Variants in ZNF365 observed in about 807,000 individuals in gnomAD.
ZNF365 encodes protein ZNF365.
A neutral mutation model predicts 35.0 loss-of-function variants in ZNF365; 22 were observed. The observed-to-expected ratio is 0.63, with a 90% confidence interval of 0.45 to 0.90. The LOEUF (loss-of-function observed/expected upper bound fraction) is 0.90. Among genes scored for constraint, ZNF365 ranks in the 40% least tolerant of loss-of-function variants. The pLI is 0.00. For missense variants in ZNF365, 448 were observed against 500.3 expected, an observed-to-expected ratio of 0.90 and a Z score of 1.00; for synonymous variants, 188 against 196.2, an observed-to-expected ratio of 0.96 and a Z score of 0.35.
intron 3 of ZNF365, among the ~76,000 whole-genome samples, chr10:62,435,417 C>A (rs929350618): frequency 6.6e-6 from 1 of 152,048 alleles, no homozygotes; most frequent in Non-Finnish European, 1.5e-5. Context: ...TATCTGAGTC[C>A]TTTTGTATTC....
chr10:62,454,671 T>C (rs764419914), intron 3 of ZNF365, among the ~76,000 whole-genome samples: 2 of 151,982 alleles, frequency 1.3e-5, no homozygotes, highest in Non-Finnish European at 2.9e-5. Flanking sequence ...GACTTTCTAA[T>C]TTTCTGCAGT....
chr10:62,480,114 C>A, exon 5 of ZNF365: 3 of 1,332,540 alleles, frequency 2.3e-6, no homozygotes, highest in Non-Finnish European at 2.9e-6. Flanking sequence ...AACAAGACTG[C>A]AGACTTCCTG....
chr10:62,432,144 G>T (rs1018282099), intron 3 of ZNF365, among the ~76,000 whole-genome samples: 2 of 152,148 alleles, frequency 1.3e-5, no homozygotes, highest in Non-Finnish European at 2.9e-5. Context: ...TTCATGAGTG[G>T]ATGCAGGTTA....
At chr10:62,394,150 T>C (rs1034243065) in intron 3 of ZNF365, among the ~76,000 whole-genome samples, 4 of 152,192 alleles carry the variant, frequency 2.6e-5, no homozygotes, top group Admixed American at 2.6e-4. Context: ...AATACTTGCA[T>C]TCAGCTTACT....
chr10:62,390,797 G>A (rs1589431551), intron 3 of ZNF365, among the ~76,000 whole-genome samples: 1 of 152,200 alleles, frequency 6.6e-6, no homozygotes, highest in East Asian at 1.9e-4. Flanking sequence ...GCATGTTACT[G>A]TACTGACTAC....
chr10:62,428,799 C>G (rs1374223949), intron 3 of ZNF365, among the ~76,000 whole-genome samples: 1 of 152,142 alleles, frequency 6.6e-6, no homozygotes, highest in Admixed American at 6.5e-5. Context: ...AGACTCCTTC[C>G]CTAGATATGT....
intron 4 of ZNF365, among the ~76,000 whole-genome samples, chr10:62,461,553 A>G (rs186066067): frequency 9.8e-4 from 149 of 152,312 alleles, no homozygotes; most frequent in Middle Eastern, 6.8e-3. Flanking sequence ...TTTGGCACAC[A>G]GTGTATCCAT....
chr10:62,388,655 C>A, intron 3 of ZNF365, 79 bp downstream of exon 3: 1 of 1,525,730 alleles, frequency 6.6e-7, no homozygotes, highest in Non-Finnish European at 8.9e-7. Context: ...GAAAAGGGAG[C>A]TGGGTGACTT....
chr10:62,423,556 A>C (rs1840206618), intron 3 of ZNF365, among the ~76,000 whole-genome samples: 1 of 152,160 alleles, frequency 6.6e-6, no homozygotes, highest in Non-Finnish European at 1.5e-5. Context: ...TTTTACACTA[A>C]CTCTAGGATG....
chr10:62,441,176 T>A (rs527366483), intron 3 of ZNF365, among the ~76,000 whole-genome samples: 2 of 152,062 alleles, frequency 1.3e-5, no homozygotes, highest in African/African-American at 4.8e-5. Flanking sequence ...ACCAGTGAGG[T>A]TAAATTGCTT....
At chr10:62,390,015 A>G in intron 3 of ZNF365, among the ~76,000 whole-genome samples, 1 of 152,040 alleles carries the variant, frequency 6.6e-6, no homozygotes, top group Non-Finnish European at 1.5e-5. Context: ...TGGAGGGACT[A>G]TCTGAGCCTC....
At chr10:62,442,091 A>T (rs968518666) in intron 3 of ZNF365, among the ~76,000 whole-genome samples, 9 of 152,206 alleles carry the variant, frequency 5.9e-5, no homozygotes, top group African/African-American at 2.2e-4. Context: ...CTATAAGCAC[A>T]CAGAACCAAA....
At chr10:62,455,320 A>G (rs1278179006) in intron 3 of ZNF365, among the ~76,000 whole-genome samples, 3 of 152,202 alleles carry the variant, frequency 2.0e-5, no homozygotes, top group Non-Finnish European at 4.4e-5. Flanking sequence ...ACAACAGATT[A>G]TGTAATGGGC....
At chr10:62,466,456 G>C (rs1840944910) in intron 4 of ZNF365, among the ~76,000 whole-genome samples, 1 of 152,184 alleles carries the variant, frequency 6.6e-6, no homozygotes, top group African/African-American at 2.4e-5. Context: ...CTTGTCCTTA[G>C]CAAGTATGGG....
chr10:62,410,547 T>G (rs921039230), intron 3 of ZNF365, among the ~76,000 whole-genome samples: 1 of 152,104 alleles, frequency 6.6e-6, no homozygotes, highest in Non-Finnish European at 1.5e-5. Context: ...CACCTGTGTG[T>G]GTAGTTCCCC....
At chr10:62,380,276 G>A (rs777640604) in intron 2 of ZNF365, among the ~76,000 whole-genome samples, 2 of 152,210 alleles carry the variant, frequency 1.3e-5, no homozygotes, top group Non-Finnish European at 2.9e-5. Flanking sequence ...CCATCAATGA[G>A]ACAGCAAGAC....
At chr10:62,479,711 A>G (rs1841190315) in intron 4 of ZNF365, among the ~76,000 whole-genome samples, 2 of 152,184 alleles carry the variant, frequency 1.3e-5, no homozygotes, top group African/African-American at 4.8e-5. Context: ...GTTGTAGAAG[A>G]CGCTCCTCGT....
chr10:62,466,007 G>T (rs1840937256), intron 4 of ZNF365, among the ~76,000 whole-genome samples: 1 of 152,178 alleles, frequency 6.6e-6, no homozygotes, highest in South Asian at 2.1e-4. Context: ...GCCAGTCCAA[G>T]AGCTGTGGAC....
At chr10:62,439,492 A>G (rs1256360795) in intron 3 of ZNF365, among the ~76,000 whole-genome samples, 1 of 152,000 alleles carries the variant, frequency 6.6e-6, no homozygotes, top group African/African-American at 2.4e-5. Flanking sequence ...AATGAAGCAT[A>G]GGGGAAATAC....
Sources: gnomAD v4.1 joint callset for allele counts (sites outside exome capture counted in the v4.1 genomes callset) on GRCh38, gnomAD v4.1.1 for gene constraint, MANE v1.5 for transcripts, NCBI Gene and HGNC (gene_info 2026-07-23, HGNC 2026-07-21) for gene names.